MYRIP: variants seen among roughly 807,000 people sequenced by gnomAD.
The protein encoded by MYRIP is rab effector MyRIP.
Under a neutral mutation model 98.0 loss-of-function variants are expected in MYRIP, and 49 were observed. The observed-to-expected ratio is 0.50, with a 90% CI of 0.40 to 0.63. The LOEUF (loss-of-function observed/expected upper bound fraction) is 0.63, where lower values mean the gene tolerates loss of function less well. Ranked by LOEUF, MYRIP falls within the 30% of genes least tolerant of loss-of-function variation. The pLI is 0.00. For missense variants in MYRIP, 1,004 were observed against 1,058.2 expected (o/e 0.95, Z 0.71); for synonymous variants, 404 against 409.5 (o/e 0.99, Z 0.16).
chr3:39,834,043 A>G (rs902437415), intron 1 of MYRIP, among the ~76,000 whole-genome samples: 10 of 152,158 alleles, frequency 6.6e-5, no homozygotes, highest in African/African-American at 2.4e-4. Flanking sequence ...AAGAAAAACT[A>G]AGTGAAGAAA....
In MYRIP at chr3:40,199,241, A is replaced by G. The variant is rs142475777; in HGVS notation, c.1665+8778A>G. 1.1e-4 allele frequency among the ~76,000 whole-genome samples: 16 copies of G among 151,786 alleles called. No homozygotes were observed. The East Asian group carries it at 2.5e-3, about 24-fold the overall frequency. On this transcript the variant is annotated intron_variant, in intron 10 of 16. Transcript: ENST00000302541. ...ACCACAGCAGCCCCTGCTCTAAACT[A>G]CTCCCATGGATTCACACTCTGGGGG...
At chr3:40,148,926 G>T (rs1459733869) in intron 3 of MYRIP, among the ~76,000 whole-genome samples, 1 of 152,182 alleles carries the variant, frequency 6.6e-6, no homozygotes, top group Non-Finnish European at 1.5e-5. Context: ...GGGCTGAAAG[G>T]TGGAGGTGCT....
intron 1 of MYRIP, among the ~76,000 whole-genome samples, chr3:39,846,849 G>C (rs901383190): frequency 6.6e-6 from 1 of 152,136 alleles, no homozygotes; most frequent in African/African-American, 2.4e-5. Context: ...TGAGACCCAG[G>C]AGAGCTGATG....
intron 1 of MYRIP, among the ~76,000 whole-genome samples, chr3:39,877,830 C>G (rs576545325): frequency 2.0e-5 from 3 of 152,204 alleles, no homozygotes. Flanking sequence ...TGCCCATTCT[C>G]AGATCTCCAG....
chr3:40,220,946 G>A (rs905856788), intron 11 of MYRIP, among the ~76,000 whole-genome samples: 7 of 150,092 alleles, frequency 4.7e-5, no homozygotes, highest in African/African-American at 1.7e-4. Context: ...CCAATATTGG[G>A]GATTACAATT....
intron 3 of MYRIP, 60 bp downstream of exon 3, chr3:40,044,331 C>T (rs1483462060): frequency 6.7e-7 from 1 of 1,502,898 alleles, no homozygotes; most frequent in African/African-American, 1.4e-5. Context: ...TCACCTGCCA[C>T]TTCCTTCAGT....
intron 2 of MYRIP, among the ~76,000 whole-genome samples, chr3:39,949,335 T>C (rs1453750887): frequency 6.6e-6 from 1 of 152,154 alleles, no homozygotes; most frequent in Non-Finnish European, 1.5e-5. Context: ...CCTTGTCCTG[T>C]TAGAAATGAA....
chr3:39,824,525 TTTTTATCAGTG>T (rs1243118993), intron 1 of MYRIP, among the ~76,000 whole-genome samples: 2 of 152,172 alleles, frequency 1.3e-5, no homozygotes, highest in African/African-American at 4.8e-5. Context: ...CTTCAATTTC[TTTTTATCAGTG>T]TTTTATATAG....
intron 2 of MYRIP, among the ~76,000 whole-genome samples, chr3:39,976,581 A>C (rs1204685063): frequency 6.6e-6 from 1 of 152,230 alleles, no homozygotes; most frequent in East Asian, 1.9e-4. Context: ...TGCTTCTATA[A>C]AGACACATGC....
intron 3 of MYRIP, among the ~76,000 whole-genome samples, chr3:40,114,898 T>G (rs1949239415): frequency 6.6e-6 from 1 of 152,184 alleles, no homozygotes; most frequent in South Asian, 2.1e-4. Flanking sequence ...ATATGTGATA[T>G]AGAAATGCAC....
In MYRIP at chr3:39,865,988, C is replaced by G. The variant is rs182776316; in HGVS notation, c.-30-34799C>G. On this transcript the variant is annotated intron_variant, in intron 1 of 16. Coordinates refer to ENST00000302541, the MANE Select transcript of MYRIP (RefSeq NM_015460.4). ...TAAATATACACCATGGAATACTATG[C>G]AGGCATAAAAAAGAATGAGATTACG... Among the ~76,000 whole-genome samples, 46 of 152,230 alleles carry G rather than the reference C, an allele frequency of 3.0e-4. 1 individual carries two copies. The East Asian group carries it at 8.9e-3, about 29-fold the overall frequency.
chr3:39,905,796 C>T (rs1943865280), intron 2 of MYRIP, among the ~76,000 whole-genome samples: 1 of 152,152 alleles, frequency 6.6e-6, no homozygotes, highest in Non-Finnish European at 1.5e-5. Flanking sequence ...TTTTTCAGAG[C>T]TTTATTGAAG....
intron 3 of MYRIP, among the ~76,000 whole-genome samples, chr3:40,121,252 A>G (rs1393414910): frequency 6.6e-6 from 1 of 152,168 alleles, no homozygotes; most frequent in Non-Finnish European, 1.5e-5. Flanking sequence ...ACCCACCTCC[A>G]GACCAGTTCA....
chr3:40,209,779 A>T, intron 10 of MYRIP, 75 bp from the exon 11 acceptor site: 2 of 1,579,050 alleles, frequency 1.3e-6, no homozygotes, highest in Non-Finnish European at 1.7e-6. Context: ...TCCTTTACTC[A>T]GGGGTTATTG....
chr3:39,985,902 G>A, intron 2 of MYRIP, among the ~76,000 whole-genome samples: 1 of 151,198 alleles, frequency 6.6e-6, no homozygotes, highest in Non-Finnish European at 1.5e-5. Flanking sequence ...GCATGGGCAA[G>A]GGTTTCATGT....
Position 40,164,855 on chromosome 3 carries a change from C to A in MYRIP, c.551-1991C>A, listed in dbSNP as rs572385747. Among the ~76,000 whole-genome samples the A allele has an allele frequency of 4.6e-5, 7 of 152,342 alleles. No homozygotes were observed. The East Asian group carries it at 5.8e-4, about 13-fold the overall frequency. The stretch of plus-strand genomic sequence containing the variant: ...GGTGCCTACCTTCCAGGGATCCACA[C>A]AGATATCTCTATCACACAGATAGTT... On this transcript the variant is annotated intron_variant, in intron 5 of 16. Coordinates refer to ENST00000302541, the MANE Select transcript of MYRIP (RefSeq NM_015460.4).
At chr3:39,915,522 G>A (rs1400677851) in intron 2 of MYRIP, among the ~76,000 whole-genome samples, 1 of 151,876 alleles carries the variant, frequency 6.6e-6, no homozygotes, top group Non-Finnish European at 1.5e-5. Context: ...GAGCTTCTGG[G>A]AGACAAAAAT....
At chr3:39,877,317 C>G (rs899381620) in intron 1 of MYRIP, among the ~76,000 whole-genome samples, 7 of 152,070 alleles carry the variant, frequency 4.6e-5, no homozygotes, top group Non-Finnish European at 8.8e-5. Flanking sequence ...GTAATTTGAT[C>G]GTCTGAAGCC....
At chr3:39,986,263 C>A (rs779881928) in intron 2 of MYRIP, among the ~76,000 whole-genome samples, 9 of 152,132 alleles carry the variant, frequency 5.9e-5, no homozygotes, top group Admixed American at 1.3e-4. Flanking sequence ...AAAGGGCCAG[C>A]CTCATTCTGG....
Sources: gnomAD v4.1 joint callset for allele counts (sites outside exome capture counted in the v4.1 genomes callset) on GRCh38, gnomAD v4.1.1 for gene constraint, MANE v1.5 for transcripts, NCBI Gene and HGNC (gene_info 2026-07-23, HGNC 2026-07-21) for gene names.